ANKS1B: variants seen among roughly 807,000 people sequenced by gnomAD.
ANKS1B encodes the protein ankyrin repeat and sterile alpha motif domain-containing protein 1B.
In ANKS1B, 36 loss-of-function variants were observed where a neutral mutation model predicts 148.3. The observed-to-expected ratio is 0.24, with a 90% CI of 0.19 to 0.32. The LOEUF (loss-of-function observed/expected upper bound fraction) is 0.32, where lower values mean the gene tolerates loss of function less well. ANKS1B is among the 10% of genes least tolerant of loss of function. ANKS1B has a pLI of 1.00. For synonymous variants in ANKS1B, 542 were observed against 560.8 expected (o/e 0.97, Z 0.47); for missense variants, 1,157 against 1,542.6 (o/e 0.75, Z 4.19).
chr12:98,962,778 C>T (rs2099873743), intron 17 of ANKS1B, among the ~76,000 whole-genome samples: 1 of 152,070 alleles, frequency 6.6e-6, no homozygotes, highest in South Asian at 2.1e-4. Context: ...TATAATAAAT[C>T]AGTATCAAGA....
chr12:98,870,442 C>T (rs886311881), intron 17 of ANKS1B, among the ~76,000 whole-genome samples: 1 of 152,198 alleles, frequency 6.6e-6, no homozygotes, highest in African/African-American at 2.4e-5. Flanking sequence ...CTTTGGGGAG[C>T]ATGTGTTCTT....
intron 4 of ANKS1B, among the ~76,000 whole-genome samples, chr12:99,784,257 C>T (rs914685640): frequency 1.3e-5 from 2 of 151,570 alleles, no homozygotes; most frequent in African/African-American, 2.4e-5. Context: ...CTGCAAGCTC[C>T]GCCTCCAGGG....
chr12:99,844,366 GT>G (rs758123730), intron 1 of ANKS1B, among the ~76,000 whole-genome samples: 36 of 152,228 alleles, frequency 2.4e-4, no homozygotes, highest in Admixed American at 7.9e-4. Flanking sequence ...GGTTTTTCTA[GT>G]TTTAGGCTCT....
intron 8 of ANKS1B, among the ~76,000 whole-genome samples, chr12:99,694,855 C>T (rs2153509353): frequency 6.6e-6 from 1 of 152,296 alleles, no homozygotes; most frequent in South Asian, 2.1e-4. Flanking sequence ...TATGCTTCAG[C>T]TTGAAAATGT....
chr12:99,679,601 T>C (rs2098602622), intron 8 of ANKS1B, among the ~76,000 whole-genome samples: 1 of 151,982 alleles, frequency 6.6e-6, no homozygotes, highest in African/African-American at 2.4e-5. Context: ...TGGGCTACCA[T>C]GACTGTCCGA....
intron 1 of ANKS1B, among the ~76,000 whole-genome samples, chr12:99,845,103 G>A (rs528111440): frequency 3.7e-4 from 57 of 152,292 alleles, no homozygotes; most frequent in Admixed American, 1.8e-3. Context: ...GACTGCTGAA[G>A]TTACTTATCA....
chr12:99,956,661 C>T (rs1262087152), intron 1 of ANKS1B, among the ~76,000 whole-genome samples: 1 of 152,180 alleles, frequency 6.6e-6, no homozygotes, highest in African/African-American at 2.4e-5. Flanking sequence ...GTAGCCTCTC[C>T]AGATGTTTAC....
chr12:98,755,510 G>T (rs1304759901), intron 25 of ANKS1B, among the ~76,000 whole-genome samples: 14 of 152,270 alleles, frequency 9.2e-5, no homozygotes, highest in African/African-American at 1.9e-4. Flanking sequence ...CTTGCTTGCT[G>T]AATGAATGAA....
intron 7 of ANKS1B, among the ~76,000 whole-genome samples, chr12:99,773,969 A>T (rs2063427314): frequency 6.6e-6 from 1 of 152,106 alleles, no homozygotes; most frequent in Admixed American, 6.6e-5. Flanking sequence ...ATGAAATATG[A>T]CCCTTATCTC....
chr12:99,466,394 C>A (rs1318512681), intron 10 of ANKS1B, among the ~76,000 whole-genome samples: 2 of 151,716 alleles, frequency 1.3e-5, no homozygotes, highest in African/African-American at 4.8e-5. Context: ...AAAGCAAGAG[C>A]AAACACATTC....
intron 15 of ANKS1B, among the ~76,000 whole-genome samples, chr12:99,117,831 C>T (rs1383580706): frequency 6.6e-6 from 1 of 152,098 alleles, no homozygotes; most frequent in Admixed American, 6.5e-5. Flanking sequence ...TGGTCCTGGG[C>T]TTGTGTTGGT....
At chr12:99,305,008 G>A (rs769685455) in intron 12 of ANKS1B, among the ~76,000 whole-genome samples, 2 of 152,112 alleles carry the variant, frequency 1.3e-5, no homozygotes, top group Non-Finnish European at 2.9e-5. Flanking sequence ...CATGGCACCA[G>A]CATTTGCTTC....
intron 17 of ANKS1B, among the ~76,000 whole-genome samples, chr12:98,947,330 C>A (rs897436045): frequency 1.3e-5 from 2 of 152,234 alleles, no homozygotes; most frequent in Admixed American, 1.3e-4. Flanking sequence ...CCATGCCAGG[C>A]TGGAGATGCT....
rs368508130 is a variant in ANKS1B at position 99,453,781 on chromosome 12, A to C, written c.1439-9972T>G. Among the ~76,000 whole-genome samples, 8 of 152,378 alleles carry C rather than the reference A, an allele frequency of 5.3e-5. No homozygotes were observed. The East Asian group carries it at 5.8e-4, about 11-fold the overall frequency. On this transcript the variant is annotated intron_variant, in intron 10 of 26. Transcript: ENST00000683438. Reference sequence around the variant, plus strand: ...ACATGTTTGTGCTACAATGGTGCTTAGACTTTCAGCCTTGTTTTGAAGGAG... The same window carrying C: ...ACATGTTTGTGCTACAATGGTGCTTCGACTTTCAGCCTTGTTTTGAAGGAG...
chr12:99,236,428 A>C (rs2153957796), intron 14 of ANKS1B, among the ~76,000 whole-genome samples: 1 of 152,278 alleles, frequency 6.6e-6, no homozygotes, highest in Middle Eastern at 3.4e-3. Context: ...GAAGCAAGGC[A>C]CATCTTACAT....
intron 8 of ANKS1B, among the ~76,000 whole-genome samples, chr12:99,707,880 C>T (rs766378071): frequency 2.6e-5 from 4 of 152,092 alleles, no homozygotes; most frequent in Non-Finnish European, 5.9e-5. Flanking sequence ...ATCACACTGA[C>T]TCAGAAATCA....
At chr12:98,878,999 G>C (rs369191409) in intron 17 of ANKS1B, among the ~76,000 whole-genome samples, 3 of 152,352 alleles carry the variant, frequency 2.0e-5, no homozygotes, top group East Asian at 3.9e-4. Context: ...CATACTGTCT[G>C]TGTGATTGGC....
intron 1 of ANKS1B, among the ~76,000 whole-genome samples, chr12:99,895,448 C>T (rs59223673): frequency 0.047 from 7,124 of 150,504 alleles, 601 homozygotes; most frequent in African/African-American, 0.16. Context: ...TGTGTCCTTT[C>T]GATTCTATTT....
At chr12:99,861,286 A>C (rs922005784) in intron 1 of ANKS1B, among the ~76,000 whole-genome samples, 7 of 152,236 alleles carry the variant, frequency 4.6e-5, no homozygotes, top group African/African-American at 1.7e-4. Flanking sequence ...TTCTTTTAAC[A>C]CTATTCTTTT....
Sources: gnomAD v4.1 joint callset for allele counts (sites outside exome capture counted in the v4.1 genomes callset) on GRCh38, gnomAD v4.1.1 for gene constraint, MANE v1.5 for transcripts, NCBI Gene and HGNC (gene_info 2026-07-23, HGNC 2026-07-21) for gene names.